Variants in PKP3 observed in about 807,000 individuals in gnomAD.
The protein encoded by PKP3 is plakophilin 3, also known as plakophilin-3.
In PKP3, 66 loss-of-function variants were observed where a neutral mutation model predicts 76.5. That is an observed-to-expected ratio of 0.86 (90% CI 0.71 to 1.06). The LOEUF (loss-of-function observed/expected upper bound fraction) is 1.06. PKP3 is among the 50% of genes least tolerant of loss of function. The pLI is 0.00. For missense variants in PKP3, 1,338 were observed against 1,141.0 expected (o/e 1.17, Z -2.49); for synonymous variants, 638 against 516.5 (o/e 1.24, Z -3.19).
In PKP3 at chr11:399,159, G is replaced by T; in HGVS notation, c.1236G>T (p.Leu412=). Residue 412 remains leucine, a synonymous_variant, in exon 5 of 13, where the codon CTG becomes CTT. Transcript: ENST00000331563. ...ENGIFELLRT[L]REQDDELRKN... ...GGATCTTCGAGCTGCTGCGGACACT[G>T]CGGGAGCAGGATGATGAGCTTCGCA... 6.2e-7 allele frequency: 1 copy of T among 1,609,088 alleles called. No individual in the cohort carries two copies. The highest frequency in any genetic ancestry group is 8.5e-7 in the Non-Finnish European group (1 of 1,177,940).
intron 7 of PKP3, 23 bp from the exon 8 acceptor site, chr11:400,512 C>T (rs1847135132): frequency 1.3e-6 from 2 of 1,493,554 alleles, no homozygotes; most frequent in African/African-American, 1.4e-5. Flanking sequence ...ACCCGCGCCC[C>T]TGCCCCGCGC....
rs536424391 is a variant in PKP3 at position 403,613 on chromosome 11, C to T, written c.1924-5C>T. The T allele has an allele frequency of 1.9e-6, 3 of 1,603,230 alleles. No homozygotes were observed. The highest frequency in any genetic ancestry group is 2.2e-5 in the East Asian group (1 of 44,846). On this transcript the variant is annotated splice_polypyrimidine_tract_variant and splice_region_variant and intron_variant, in intron 9 of 12. Coordinates refer to ENST00000331563, the MANE Select transcript of PKP3 (RefSeq NM_007183.4). Reference sequence around the variant, plus strand: ...GGTCACGGCTCACACCCTCCCTCCCCACAGTGGGCGGGGGTGCTGAGCCGC... The same window carrying T: ...GGTCACGGCTCACACCCTCCCTCCCTACAGTGGGCGGGGGTGCTGAGCCGC...
At chr11:403,548 T>C (rs1005913678) in intron 9 of PKP3, 70 bp from the exon 10 acceptor site, 71 of 1,482,068 alleles carry the variant, frequency 4.8e-5, no homozygotes, top group Non-Finnish European at 6.1e-5. Context: ...AGCGACCCCA[T>C]TGTGGCAGGA....
Position 397,115 on chromosome 11 carries a change from C to A in PKP3, c.614C>A (p.Ala205Glu), listed in dbSNP as rs763648805. The part of the protein sequence containing the change: ...YSLVSEQLEP[A>E]ATSTYRAFAY... ...CTGGTGTCTGAGCAGCTGGAGCCCG[C>A]GGCCACCTCCACCTACAGGGCCTTT... Residue 205 changes from alanine to glutamate, a missense_variant, in exon 3 of 13, where the codon GCG becomes GAG. By Grantham distance (107) the Ala-to-Glu change is moderately radical. Coordinates refer to ENST00000331563, the MANE Select transcript of PKP3 (RefSeq NM_007183.4). 1.9e-6 allele frequency: 3 copies of A among 1,597,542 alleles called. No homozygotes were observed. In the African/African-American group the frequency reaches 4.0e-5, roughly 21 times the overall value.
Position 397,587 on chromosome 11 carries a change from A to G in PKP3, c.993A>G (p.Ser331=). The G allele has an allele frequency of 1.2e-6, 2 of 1,612,152 alleles. No homozygotes were observed. The highest frequency in any genetic ancestry group is 8.5e-7 in the Non-Finnish European group (1 of 1,179,528). ...LPSAVKYLMA[S]DPNLQVLGAA... is the part of the protein sequence containing the mutation. ...CAGCAGTCAAGTACCTCATGGCTTC[A>G]GACCCCAACCTGCAGGTGCTGGGAG... The change falls in exon 4 of 13, where the codon TCA becomes TCG. Residue 331 remains serine, a synonymous_variant. Transcript: ENST00000331563.
chr11:394,150 G>C (rs554705370), upstream of PKP3: 2 of 1,290,082 alleles, frequency 1.6e-6, no homozygotes, highest in Non-Finnish European at 2.0e-6. Flanking sequence ...CTGCGCTCAG[G>C]GCTGGGCAGG....
At chr11:398,859 A>C in intron 4 of PKP3, 133 bp from the exon 5 acceptor site, 1 of 716,028 alleles carries the variant, frequency 1.4e-6, no homozygotes, top group Non-Finnish European at 2.3e-6. Context: ...CGCCGCACAC[A>C]CCTCCGTCAC....
chr11:394,483 A>G lies in PKP3; in HGVS notation c.191A>G (p.Asn64Ser). Reference sequence around the variant, plus strand: ...CAGCTGGGACAGCAGCCGCGGCACAACGGGGCCGCTGAGCCCGAGCCTGAG... The same window carrying G: ...CAGCTGGGACAGCAGCCGCGGCACAGCGGGGCCGCTGAGCCCGAGCCTGAG... Reference protein sequence around the residue: ...LLQLGQQPRHNGAAEPEPEAE... With the variant: ...LLQLGQQPRHSGAAEPEPEAE... Residue 64 changes from asparagine to serine, a missense_variant, in exon 1 of 13, where the codon AAC becomes AGC. Transcript: ENST00000331563. 2 of 1,423,708 alleles carry G rather than the reference A, an allele frequency of 1.4e-6. No individual in the cohort carries two copies. 88.2% of individuals were successfully genotyped at this position (1,423,708 alleles called of 1,614,324 possible).
At chr11:400,486 C>G in intron 7 of PKP3, 35 bp downstream of exon 7, 1 of 1,515,702 alleles carries the variant, frequency 6.6e-7, no homozygotes, top group African/African-American at 1.4e-5. Context: ...GGCCGTGCCC[C>G]CGGGCCGCCG....
Position 404,357 on chromosome 11 carries a change from C to G in PKP3, c.2358+34C>G. The G allele has an allele frequency of 6.3e-7, 1 of 1,578,556 alleles. No homozygotes were observed. Among genetic ancestry groups the G allele is most frequent in the Non-Finnish European group, 8.7e-7 (1 of 1,148,914 alleles). On this transcript the variant is annotated intron_variant, in intron 12 of 12. Coordinates refer to ENST00000331563, the MANE Select transcript of PKP3 (RefSeq NM_007183.4). This position sits in a 1 kb window ranked among gnomAD's most constrained non-coding sequence, Gnocchi z 4.2. ...CCCGAGCCCAGGGCAAGCAGGGACC[C>G]GGGTGCAGGGCATGGGACGCCGGGG...
At chr11:394,165 T>G, upstream of PKP3, 1 of 1,337,988 alleles carries the variant, frequency 7.5e-7, no homozygotes. Context: ...GGCAGGCGTC[T>G]GTCTTCAGGC....
Position 404,391 on chromosome 11 carries a change from G to T in PKP3, c.2358+68G>T, listed in dbSNP as rs1364816339. On this transcript the variant is annotated intron_variant, in intron 12 of 12. Coordinates refer to ENST00000331563, the MANE Select transcript of PKP3 (RefSeq NM_007183.4). This position sits in a 1 kb window ranked among gnomAD's most constrained non-coding sequence, Gnocchi z 4.2. ...GGCATGGGACGCCGGGGGAGGGTCA[G>T]TGAAGAGGCCCATGGGAGGATGGAG... The T allele has an allele frequency of 2.0e-6, 3 of 1,497,400 alleles. No homozygotes were observed. Among genetic ancestry groups the T allele is most frequent in the Non-Finnish European group, 2.8e-6 (3 of 1,075,154 alleles). 92.8% of individuals were successfully genotyped at this position (1,497,400 alleles called of 1,614,324 possible). A position where few individuals can be genotyped will look rare whatever the true frequency, so the allele number is the denominator to read the frequency against.
At chr11:394,007 T>G, upstream of PKP3, 5 of 394,460 alleles carry the variant, frequency 1.3e-5, no homozygotes, top group East Asian at 4.8e-5. Context: ...GGCCCTGTTG[T>G]GGGATGGGAG....
In PKP3 at chr11:396,905, C is replaced by A; in HGVS notation, c.404C>A (p.Ser135Ter). 1.1e-5 allele frequency: 18 copies of A among 1,597,190 alleles called. No individual in the cohort carries two copies. The highest frequency in any genetic ancestry group is 1.5e-5 in the Non-Finnish European group (18 of 1,174,876). ...CTGAGCTGCAGTCGGAGGCTGAGTTCAGCCCACAACGGGGGCAGCGCCTTT... is the reference window on the plus strand; with the variant it reads ...CTGAGCTGCAGTCGGAGGCTGAGTTAAGCCCACAACGGGGGCAGCGCCTTT... ...VDLSCSRRLS[S>*]AHNGGSAFGA... is the part of the protein sequence containing the mutation. The change falls in exon 3 of 13, where the codon TCA (serine) becomes TAA (stop). Residue 135 changes from serine to a stop codon, truncating the protein, a stop_gained. Transcript: ENST00000331563. LOFTEE classifies it high-confidence loss of function.
intron 5 of PKP3, 62 bp downstream of exon 5, chr11:399,258 C>T (rs1466301965): frequency 9.0e-7 from 1 of 1,107,684 alleles, no homozygotes; most frequent in African/African-American, 1.8e-5. Flanking sequence ...CCTATCCCCC[C>T]TGCCTTCCTC....
chr11:399,300 T>TG, intron 5 of PKP3, 104 bp downstream of exon 5: 1 of 389,576 alleles, frequency 2.6e-6, no homozygotes, highest in Non-Finnish European at 4.2e-6. Flanking sequence ...GCCCACCATC[T>TG]GCCCCCCTTC....
In PKP3 at chr11:404,335, G is replaced by A. The variant is rs767462848; in HGVS notation, c.2358+12G>A. ...GTGACTTCCGGGCGGTACGTTTCCCGAGCCCAGGGCAAGCAGGGACCCGGG... is the reference window on the plus strand; with the variant it reads ...GTGACTTCCGGGCGGTACGTTTCCCAAGCCCAGGGCAAGCAGGGACCCGGG... On this transcript the variant is annotated intron_variant, in intron 12 of 12. Transcript: ENST00000331563. This position sits in a 1 kb window ranked among gnomAD's most constrained non-coding sequence, Gnocchi z 4.2. 1.9e-5 allele frequency: 30 copies of A among 1,609,038 alleles called. No homozygotes were observed. The highest frequency in any genetic ancestry group is 6.7e-5 in the Admixed American group (4 of 59,984).
In PKP3 at chr11:400,709, G is replaced by A. The variant is rs1847141115; in HGVS notation, c.1737+4G>A. On this transcript the variant is annotated splice_donor_region_variant and intron_variant, in intron 8 of 12. Coordinates refer to ENST00000331563, the MANE Select transcript of PKP3 (RefSeq NM_007183.4). Reference sequence around the variant, plus strand: ...GCAGAGCCGGCGGCTGCGCGAGGTGGGCACCAGCCTGAGCGGGGCGTGGGG... The same window carrying A: ...GCAGAGCCGGCGGCTGCGCGAGGTGAGCACCAGCCTGAGCGGGGCGTGGGG... 1 of 1,249,682 alleles carries A rather than the reference G, an allele frequency of 8.0e-7. No individual in the cohort carries two copies. The highest frequency in any genetic ancestry group is 2.4e-5 in the South Asian group (1 of 40,964). The allele number at this position is 1,249,682 out of a possible 1,614,324, so 77.4% of individuals were successfully genotyped here. A position where few individuals can be genotyped will look rare whatever the true frequency, so the allele number is the denominator to read the frequency against.
Position 404,768 on chromosome 11 carries a change from G to A in PKP3, c.*199G>A. 1 of 597,364 alleles carries A rather than the reference G, an allele frequency of 1.7e-6. No individual in the cohort carries two copies. The highest frequency in any genetic ancestry group is 3.0e-5 in the Admixed American group (1 of 33,872). The allele number at this position is 597,364 out of a possible 1,614,324, so 37.0% of individuals were successfully genotyped here. ...TAGCTGGGGACTTGGCTTCCGCAGGGCAGGGGGTGGGGCAGGGCTCAAGGC... is the reference window on the plus strand; with the variant it reads ...TAGCTGGGGACTTGGCTTCCGCAGGACAGGGGGTGGGGCAGGGCTCAAGGC... On this transcript the variant is annotated 3_prime_UTR_variant, in exon 13 of 13. Coordinates refer to ENST00000331563, the MANE Select transcript of PKP3 (RefSeq NM_007183.4). The surrounding 1 kb of genome is among the most constrained non-coding windows in gnomAD (Gnocchi z 4.2).
Sources: allele counts gnomAD v4.1 joint callset, GRCh38; gene constraint gnomAD v4.1.1; non-coding constraint Gnocchi (gnomAD v3.1); transcripts MANE v1.5; gene names NCBI Gene and HGNC (gene_info 2026-07-23, HGNC 2026-07-21).